Variants in CLASP1 observed in about 807,000 individuals in gnomAD.
CLASP1 encodes cytoplasmic linker associated protein 1, also known as CLIP-associating protein 1.
Under a neutral mutation model 192.3 loss-of-function variants are expected in CLASP1, and 38 were observed. That is an observed-to-expected ratio of 0.20 (90% CI 0.15 to 0.26). The LOEUF (loss-of-function observed/expected upper bound fraction) is 0.26. Ranked by LOEUF, CLASP1 falls within the 10% of genes least tolerant of loss-of-function variation. The pLI, the probability that CLASP1 is intolerant of heterozygous loss-of-function variation, is 1.00. For missense variants in CLASP1, 1,433 were observed against 1,932.5 expected, an observed-to-expected ratio of 0.74 and a Z score of 4.85; for synonymous variants, 691 against 712.8, an observed-to-expected ratio of 0.97 and a Z score of 0.49.
chr2:121,494,795 C>T (rs1401903894), intron 8 of CLASP1, among the ~76,000 whole-genome samples: 5 of 151,978 alleles, frequency 3.3e-5, no homozygotes, highest in East Asian at 3.9e-4. Flanking sequence ...CCGAGGTGAG[C>T]GAATCACCTG....
At chr2:121,591,109 G>A (rs531761977) in intron 2 of CLASP1, among the ~76,000 whole-genome samples, 26 of 152,076 alleles carry the variant, frequency 1.7e-4, no homozygotes, top group Admixed American at 1.6e-3. Context: ...CTCGTGATCC[G>A]CCCGCTTCGG....
At chr2:121,365,117 G>A in exon 36 of CLASP1, 1 of 1,613,964 alleles carries the variant, frequency 6.2e-7, no homozygotes, top group African/African-American at 1.3e-5. Flanking sequence ...AGGGTCTCCA[G>A]CAGCAGGAGC....
intron 8 of CLASP1, among the ~76,000 whole-genome samples, chr2:121,478,925 CCACACAA>C (rs2092261620): frequency 2.0e-4 from 6 of 30,490 alleles, no homozygotes; most frequent in Admixed American, 3.4e-4. Context: ...CACACACACA[CCACACAA>C]CACCCCCCAC....
chr2:121,423,590 A>G (rs2079888061), intron 22 of CLASP1, among the ~76,000 whole-genome samples: 1 of 152,160 alleles, frequency 6.6e-6, no homozygotes, highest in South Asian at 2.1e-4. Context: ...TTAACTATGG[A>G]AAAAGACAGC....
chr2:121,374,661 G>C (rs2069577692), intron 34 of CLASP1, among the ~76,000 whole-genome samples: 1 of 152,240 alleles, frequency 6.6e-6, no homozygotes, highest in Non-Finnish European at 1.5e-5. Flanking sequence ...CCTTGCATCA[G>C]TGTGCCCTGG....
intron 30 of CLASP1, among the ~76,000 whole-genome samples, chr2:121,390,694 CAG>C (rs960226343): frequency 6.6e-6 from 1 of 152,192 alleles, no homozygotes; most frequent in Non-Finnish European, 1.5e-5. Flanking sequence ...AGAGGAAAGG[CAG>C]AGTTTTCCAA....
chr2:121,581,295 T>C (rs2061128813), intron 2 of CLASP1, among the ~76,000 whole-genome samples: 1 of 123,766 alleles, frequency 8.1e-6, no homozygotes, highest in Non-Finnish European at 1.6e-5. Context: ...TGAGATGGAG[T>C]CTCGCTCTGT....
intron 19 of CLASP1, among the ~76,000 whole-genome samples, chr2:121,447,061 G>A (rs1275130591): frequency 1.3e-5 from 2 of 152,206 alleles, no homozygotes; most frequent in Admixed American, 6.5e-5. Context: ...GGAAGAGGAA[G>A]AGTTGAGGAA....
chr2:121,478,882 ACACACCACACACACACAC>A (rs1559368840), intron 8 of CLASP1, among the ~76,000 whole-genome samples: 2 of 80,626 alleles, frequency 2.5e-5, no homozygotes, highest in Non-Finnish European at 4.6e-5. Flanking sequence ...CACACCACAC[ACACACCACACACACACAC>A]CACACCACAC....
chr2:121,468,818 G>A (rs146472094), intron 9 of CLASP1, among the ~76,000 whole-genome samples: 126 of 152,166 alleles, frequency 8.3e-4, no homozygotes, highest in African/African-American at 2.9e-3. Flanking sequence ...AGTGAAGTTC[G>A]TTATTATCCA....
intron 1 of CLASP1, among the ~76,000 whole-genome samples, chr2:121,623,515 T>C (rs1025979668): frequency 7.2e-5 from 11 of 152,262 alleles, no homozygotes; most frequent in Non-Finnish European, 1.5e-4. Flanking sequence ...CATTTTTGCC[T>C]GGTTTTGGTA....
At chr2:121,634,622 T>C (rs544050762) in intron 1 of CLASP1, among the ~76,000 whole-genome samples, 94 of 152,338 alleles carry the variant, frequency 6.2e-4, no homozygotes, top group African/African-American at 2.2e-3. Context: ...AGAAATCCAC[T>C]GCATGTTCTG....
rs376732555 is a variant in CLASP1 at position 121,449,144 on chromosome 2, G to C, written c.1524-24C>G. 95 of 1,608,558 alleles carry C rather than the reference G, an allele frequency of 5.9e-5. 1 individual carries two copies. The Middle Eastern group carries it at 6.7e-4, about 11-fold the overall frequency. On this transcript the variant is annotated intron_variant, in intron 16 of 39. Coordinates refer to ENST00000263710, the Ensembl canonical transcript of CLASP1. ...ATCTAGAGGAAACACACAAAATCCT[G>C]GTCTAATTCAAGGATCCAAACAGGT...
chr2:121,525,932 A>C lies in CLASP1; in HGVS notation c.471-12T>G, dbSNP rs747792481. 6.2e-7 allele frequency: 1 copy of C among 1,606,332 alleles called. No homozygotes were observed. On this transcript the variant is annotated splice_polypyrimidine_tract_variant and intron_variant, in intron 5 of 39. Coordinates refer to ENST00000263710, the Ensembl canonical transcript of CLASP1. The stretch of plus-strand genomic sequence containing the variant: ...TCTGTGCTCCAGAGCTGAAAACAAA[A>C]GGAGTGCTTTCTTGTTAGTGAGAAC...
chr2:121,340,975 G>A, intron 39 of CLASP1, 28 bp from the exon 41 acceptor site: 1 of 1,478,166 alleles, frequency 6.8e-7, no homozygotes, highest in Non-Finnish European at 9.3e-7. Flanking sequence ...AACTGAATTA[G>A]CAGGAAGAAA....
At chr2:121,493,332 A>G (rs1247228364) in intron 8 of CLASP1, among the ~76,000 whole-genome samples, 1 of 152,266 alleles carries the variant, frequency 6.6e-6, no homozygotes, top group Non-Finnish European at 1.5e-5. Flanking sequence ...GATCCCAGAA[A>G]TAAATCCACA....
intron 38 of CLASP1, among the ~76,000 whole-genome samples, chr2:121,347,945 C>T (rs150746946): frequency 8.6e-6 from 1 of 115,970 alleles, no homozygotes; most frequent in Non-Finnish European, 1.7e-5. Flanking sequence ...CTCTCTCCCC[C>T]ACCCCCCACC....
intron 2 of CLASP1, among the ~76,000 whole-genome samples, chr2:121,587,172 C>T (rs982839487): frequency 6.6e-6 from 1 of 151,932 alleles, no homozygotes; most frequent in African/African-American, 2.4e-5. Flanking sequence ...ACCTGGAAGG[C>T]GGAGGTTGCA....
chr2:121,592,353 G>A (rs948790502), intron 2 of CLASP1, among the ~76,000 whole-genome samples: 5 of 152,180 alleles, frequency 3.3e-5, no homozygotes, highest in African/African-American at 9.6e-5. Flanking sequence ...AAACTTCATC[G>A]CATTTTTATA....
Sources: gnomAD v4.1 joint callset for allele counts (sites outside exome capture counted in the v4.1 genomes callset) on GRCh38, gnomAD v4.1.1 for gene constraint, MANE v1.5 for transcripts, NCBI Gene and HGNC (gene_info 2026-07-23, HGNC 2026-07-21) for gene names.